TTI2: variants seen among roughly 807,000 people sequenced by gnomAD.
The protein encoded by TTI2 is TELO2 interacting protein 2, also known as TELO2-interacting protein 2.
In TTI2, 26 loss-of-function variants were observed where a neutral mutation model predicts 44.9. That is an observed-to-expected ratio of 0.58 (90% confidence interval 0.42 to 0.80). The LOEUF (loss-of-function observed/expected upper bound fraction) is 0.80. Among genes scored for constraint, TTI2 ranks in the 30% least tolerant of loss-of-function variants. The pLI, the probability that TTI2 is intolerant of heterozygous loss-of-function variation, is 0.00. For missense variants in TTI2, 582 were observed against 611.6 expected, an observed-to-expected ratio of 0.95 and a Z score of 0.51; for synonymous variants, 254 against 250.9, an observed-to-expected ratio of 1.01 and a Z score of -0.12.
At position 33,503,375 on chromosome 8, in the gene TTI2, A is replaced by G. The variant is rs1585324615; in HGVS notation, c.1259+54T>C. 1.1e-5 allele frequency: 18 copies of G among 1,613,134 alleles called. No individual in the cohort carries two copies. In the South Asian group the frequency reaches 2.0e-4, roughly 18 times the overall value. On this transcript the variant is annotated intron_variant, in intron 6 of 7. Transcript: ENST00000431156. ...GTACTGAATGTATTAAATACATCCA[A>G]GCAAGTTCTCAAGAGAAAATCGGCT...
intron 6 of TTI2, among the ~76,000 whole-genome samples, chr8:33,502,665 A>AT (rs1230547331): frequency 6.6e-6 from 1 of 151,704 alleles, no homozygotes; most frequent in Non-Finnish European, 1.5e-5. Context: ...TCTACTAAAA[A>AT]TTTTTTAAAA....
chr8:33,499,616 T>C (rs1808990081), intron 7 of TTI2: 1 of 214,710 alleles, frequency 4.7e-6, no homozygotes, highest in African/African-American at 2.3e-5. Context: ...ATAGTTTGAA[T>C]AAACTGGTAA....
chr8:33,512,904 A>G (rs1283684298), intron 1 of TTI2, 178 bp downstream of exon 1: 1 of 267,056 alleles, frequency 3.7e-6, no homozygotes, highest in Non-Finnish European at 7.2e-6. Context: ...AAAAGAATAA[A>G]GAGGAAAGGA....
intron 6 of TTI2, among the ~76,000 whole-genome samples, chr8:33,501,889 G>T (rs1487615018): frequency 6.6e-6 from 1 of 152,120 alleles, no homozygotes; most frequent in East Asian, 1.9e-4. Flanking sequence ...GCCAGAGTTG[G>T]AATGATTTCC....
Position 33,503,851 on chromosome 8 carries a change from G to A in TTI2, c.1012C>T (p.His338Tyr), listed in dbSNP as rs1340989312. The A allele has an allele frequency of 6.2e-7, 1 of 1,614,182 alleles. No individual in the cohort carries two copies. The highest frequency in any genetic ancestry group is 1.1e-5 in the South Asian group (1 of 91,078). ...WKGDGARPTT[H>Y]CDEVLRLILT... ...ATCAGCCGCAGGACCTCATCACAAT[G>A]GGTGGTGGGTCGAGCTCCATCTCCT... Residue 338 changes from histidine (H) to tyrosine (Y), a missense_variant, in exon 5 of 8, where the codon CAT becomes TAT. Physicochemically the swap from His to Tyr is moderately conservative, Grantham distance 83 (BLOSUM62 2). Coordinates refer to ENST00000431156, the MANE Select transcript of TTI2 (RefSeq NM_001102401.4).
intron 3 of TTI2, among the ~76,000 whole-genome samples, chr8:33,507,873 C>T (rs1371008694): frequency 6.6e-6 from 1 of 150,386 alleles, no homozygotes; most frequent in African/African-American, 2.4e-5. Flanking sequence ...CCTGTAGTCC[C>T]AGCTACTTGG....
chr8:33,499,959 A>G (rs576533152), intron 7 of TTI2: 1 of 163,362 alleles, frequency 6.1e-6, no homozygotes, highest in African/African-American at 2.4e-5. Context: ...TGCTCTATTT[A>G]TGTTATTATT....
chr8:33,500,265 C>G, intron 7 of TTI2, 63 bp downstream of exon 7: 1 of 1,594,916 alleles, frequency 6.3e-7, no homozygotes, highest in Admixed American at 1.7e-5. Flanking sequence ...AAATTATAAT[C>G]AATCATGGGA....
At position 33,500,351 on chromosome 8, in the gene TTI2, G is replaced by A. The variant is rs201577994; in HGVS notation, c.1399C>T (p.Arg467Cys). 4.4e-5 allele frequency: 71 copies of A among 1,614,072 alleles called. No individual in the cohort carries two copies. Among genetic ancestry groups the A allele is most frequent in the Admixed American group, 2.3e-4 (14 of 60,002 alleles). Residue 467 changes from arginine (R) to cysteine (C), a missense_variant, in exon 7 of 8, where the codon CGC becomes TGC. Arg to Cys is a radical substitution (Grantham distance 180, BLOSUM62 -3). Transcript: ENST00000431156. Reference sequence around the variant, plus strand: ...ACCTTTACCCGTCCTTGAGAACAGCGGTCCAGGAGAATCAGGCAGTCTGTG... The same window carrying A: ...ACCTTTACCCGTCCTTGAGAACAGCAGTCCAGGAGAATCAGGCAGTCTGTG... ...EATDCLILLD[R>C]CSQGRVKGLL... is the part of the protein sequence containing the mutation.
intron 4 of TTI2, among the ~76,000 whole-genome samples, chr8:33,506,275 C>G (rs189027760): frequency 6.6e-6 from 1 of 152,060 alleles, no homozygotes; most frequent in African/African-American, 2.4e-5. Flanking sequence ...AATCACACTC[C>G]GATATCTAAC....
chr8:33,512,037 G>T lies in TTI2; in HGVS notation c.577C>A (p.His193Asn), dbSNP rs1482231044. 5 of 1,614,008 alleles carry T rather than the reference G, an allele frequency of 3.1e-6. No individual in the cohort carries two copies. The highest frequency in any genetic ancestry group is 4.2e-6 in the Non-Finnish European group (5 of 1,180,026). ...CCTTTCTCATCTTCATTTTCTCCAT[G>T]TAGGAATCCTGCCACAGAACCGCAT... ...TECGSVAGFL[H>N]GENEDEKGRL... The change falls in exon 2 of 8, where the codon CAT becomes AAT. Residue 193 changes from histidine to asparagine, a missense_variant. Physicochemically the swap from His to Asn is moderately conservative, Grantham distance 68. Coordinates refer to ENST00000431156, the MANE Select transcript of TTI2 (RefSeq NM_001102401.4).
intron 2 of TTI2, among the ~76,000 whole-genome samples, chr8:33,510,470 A>G (rs545940052): frequency 6.6e-6 from 1 of 152,208 alleles, no homozygotes; most frequent in African/African-American, 2.4e-5. Flanking sequence ...TCCGCCTCCC[A>G]GGCTCAAGCG....
intron 4 of TTI2, 93 bp from the exon 5 acceptor site, chr8:33,504,028 C>A: frequency 7.6e-7 from 1 of 1,321,908 alleles, no homozygotes; most frequent in Non-Finnish European, 1.1e-6. Context: ...ATCTACCGTC[C>A]TTAGGGTCCA....
intron 4 of TTI2, among the ~76,000 whole-genome samples, chr8:33,505,113 C>A (rs1450810960): frequency 6.6e-6 from 1 of 152,076 alleles, no homozygotes; most frequent in Non-Finnish European, 1.5e-5. Context: ...ATCCCAGCTA[C>A]TAGGGAGGCT....
chr8:33,500,556 A>C (rs1202201563), intron 6 of TTI2, 66 bp from the exon 7 acceptor site: 1 of 1,578,946 alleles, frequency 6.3e-7, no homozygotes, highest in East Asian at 2.3e-5. Context: ...AAGAGACTTC[A>C]AAGACTGTCA....
intron 3 of TTI2, among the ~76,000 whole-genome samples, chr8:33,509,131 TCAAA>T (rs1809415670): frequency 3.8e-5 from 1 of 26,284 alleles, no homozygotes; most frequent in African/African-American, 1.3e-4. Flanking sequence ...TGATAATGTC[TCAAA>T]AAAAAAAAAA....
chr8:33,511,891 A>C, intron 2 of TTI2, 76 bp downstream of exon 2: 11 of 1,499,212 alleles, frequency 7.3e-6, no homozygotes, highest in Non-Finnish European at 1.0e-5. Flanking sequence ...CTCTGTCTCG[A>C]AAATAAATAA....
In TTI2 at chr8:33,503,418, G is replaced by T. The variant is rs758341057; in HGVS notation, c.1259+11C>A. On this transcript the variant is annotated intron_variant, in intron 6 of 7. Coordinates refer to ENST00000431156, the MANE Select transcript of TTI2 (RefSeq NM_001102401.4). ...AATCGGCTGAGTTTTGCACCTTAAG[G>T]CTGCTATTACCTGGGCCAAGTATGT... 6.2e-6 allele frequency: 10 copies of T among 1,613,908 alleles called. No individual in the cohort carries two copies. The highest frequency in any genetic ancestry group is 5.0e-5 in the Admixed American group (3 of 59,970).
chr8:33,503,983 T>C, intron 4 of TTI2, 48 bp from the exon 5 acceptor site: 1 of 1,590,476 alleles, frequency 6.3e-7, no homozygotes, highest in Non-Finnish European at 8.6e-7. Flanking sequence ...CCATTTGCAT[T>C]TACAATACTC....
Sources: allele counts gnomAD v4.1 joint callset (sites outside exome capture counted in the v4.1 genomes callset), GRCh38; gene constraint gnomAD v4.1.1; transcripts MANE v1.5; gene names NCBI Gene and HGNC (gene_info 2026-07-23, HGNC 2026-07-21).